MORN1: variants seen among roughly 807,000 people sequenced by gnomAD.
MORN1 encodes MORN repeat-containing protein 1.
MORN1 carries 67 observed loss-of-function variants against 61.9 expected under a neutral mutation model. That is an observed-to-expected ratio of 1.08 (90% CI 0.89 to 1.33). The LOEUF (loss-of-function observed/expected upper bound fraction) is 1.33. MORN1 is among the 40% of genes most tolerant of loss of function. The pLI, the probability that MORN1 is intolerant of heterozygous loss-of-function variation, is 0.00. For synonymous variants in MORN1, 301 were observed against 292.0 expected, an observed-to-expected ratio of 1.03 and a Z score of -0.31; for missense variants, 752 against 691.2, an observed-to-expected ratio of 1.09 and a Z score of -0.99.
In MORN1 at chr1:2,387,540, A is replaced by T; in HGVS notation, c.248-11T>A. ...CAGAGAAGGTGTCTCCTGCATGTGGACAAGGAGGAGGGGAGACAGGAGGTT... is the reference window on the plus strand; with the variant it reads ...CAGAGAAGGTGTCTCCTGCATGTGGTCAAGGAGGAGGGGAGACAGGAGGTT... On this transcript the variant is annotated splice_polypyrimidine_tract_variant and intron_variant, in intron 3 of 13. Coordinates refer to ENST00000378531, the MANE Select transcript of MORN1 (RefSeq NM_024848.3). The T allele has an allele frequency of 6.3e-7, 1 of 1,595,882 alleles. No individual in the cohort carries two copies. The highest frequency in any genetic ancestry group is 8.6e-7 in the Non-Finnish European group (1 of 1,167,514).
intron 12 of MORN1, among the ~76,000 whole-genome samples, chr1:2,331,340 G>A (rs1188684575): frequency 5.9e-5 from 9 of 152,220 alleles, no homozygotes; most frequent in East Asian, 3.9e-4. Context: ...GGCCCTCCAC[G>A]CCTGGACTTG....
intron 2 of MORN1, among the ~76,000 whole-genome samples, chr1:2,389,124 A>G (rs1466599203): frequency 3.6e-5 from 4 of 112,332 alleles, no homozygotes; most frequent in Admixed American, 1.9e-4. Context: ...AAAAAAAAAA[A>G]AAAAGAAAAA....
Position 2,336,844 on chromosome 1 carries a change from C to T in MORN1, c.1043G>A (p.Gly348Glu). Residue 348 changes from glycine (G) to glutamate (E), a missense_variant, in exon 11 of 14, where the codon GGA becomes GAA. Gly to Glu is a moderately conservative substitution (Grantham distance 98, BLOSUM62 -2). Coordinates refer to ENST00000378531, the MANE Select transcript of MORN1 (RefSeq NM_024848.3). Reference sequence around the variant, plus strand: ...GGCCCCGGGACAATGGGGCGCATGTCCCCTGGCTGAGGAGACAGAATGAAG... The same window carrying T: ...GGCCCCGGGACAATGGGGCGCATGTTCCCTGGCTGAGGAGACAGAATGAAG... ...EDTPGGLLAR[G>E]HAPHCPGACQ... 1.3e-6 allele frequency: 2 copies of T among 1,565,592 alleles called. No homozygotes were observed. Among genetic ancestry groups the T allele is most frequent in the Admixed American group, 1.9e-5 (1 of 51,410 alleles).
At chr1:2,380,994 C>T (rs1305101568) in intron 6 of MORN1, among the ~76,000 whole-genome samples, 5 of 152,234 alleles carry the variant, frequency 3.3e-5, no homozygotes, top group African/African-American at 1.2e-4. Flanking sequence ...GGGTCGATGC[C>T]GTTTTCTCTC....
At chr1:2,345,322 G>A (rs140809875) in intron 10 of MORN1, among the ~76,000 whole-genome samples, 3,206 of 152,336 alleles carry the variant, frequency 0.021, 42 homozygotes, top group Middle Eastern at 0.044. Context: ...CCTACCACCC[G>A]CTGGGGCAGC....
intron 10 of MORN1, among the ~76,000 whole-genome samples, chr1:2,355,707 A>G (rs1225411904): frequency 6.6e-6 from 1 of 152,234 alleles, no homozygotes; most frequent in Non-Finnish European, 1.5e-5. Flanking sequence ...GGACTGCTGC[A>G]GACAGTGACC....
At position 2,388,308 on chromosome 1, in the gene MORN1, T is replaced by C; in HGVS notation, c.178A>G (p.Ser60Gly). ...TCCACAAACGCCCCTTCGTAATAAC[T>C]GCCATCTTTAAATAACAACTTCCCG... ...GHGKLLFKDG[S>G]YYEGAFVDGE... The change falls in exon 3 of 14, where the codon AGT becomes GGT. Residue 60 changes from serine to glycine, a missense_variant. Physicochemically the swap from Ser to Gly is moderately conservative, Grantham distance 56 (BLOSUM62 0). Transcript: ENST00000378531. 1 of 1,614,002 alleles carries C rather than the reference T, an allele frequency of 6.2e-7. No individual in the cohort carries two copies. The highest frequency in any genetic ancestry group is 8.5e-7 in the Non-Finnish European group (1 of 1,179,978).
intron 10 of MORN1, among the ~76,000 whole-genome samples, chr1:2,348,727 A>ACACACACGCACGCG (rs1399964721): frequency 6.9e-5 from 10 of 143,982 alleles, no homozygotes; most frequent in East Asian, 4.3e-4. Context: ...GCGGGCACGC[A>ACACACACGCACGCG]CACGCACACC....
intron 12 of MORN1, among the ~76,000 whole-genome samples, chr1:2,328,744 G>A (rs1641087049): frequency 6.6e-6 from 1 of 152,208 alleles, no homozygotes; most frequent in Non-Finnish European, 1.5e-5. Flanking sequence ...ACAGCCCCAG[G>A]CACAGACACA....
intron 12 of MORN1, among the ~76,000 whole-genome samples, chr1:2,330,781 C>T (rs1641131754): frequency 6.6e-6 from 1 of 152,132 alleles, no homozygotes; most frequent in African/African-American, 2.4e-5. Context: ...GCTGATGGGG[C>T]TCGGGTGGCC....
intron 10 of MORN1, among the ~76,000 whole-genome samples, chr1:2,349,890 G>GA (rs1035457402): frequency 4.7e-5 from 7 of 150,224 alleles, no homozygotes; most frequent in African/African-American, 1.8e-4. Context: ...TTTTGTGCAT[G>GA]AAAAAAAAGA....
intron 13 of MORN1, chr1:2,322,080 C>G: frequency 1.0e-6 from 1 of 985,460 alleles, no homozygotes; most frequent in South Asian, 4.7e-5. Context: ...GGCCCCTTCC[C>G]CACACCCGCG....
intron 8 of MORN1, among the ~76,000 whole-genome samples, chr1:2,359,962 C>T (rs556928137): frequency 1.3e-5 from 2 of 152,038 alleles, no homozygotes; most frequent in Non-Finnish European, 2.9e-5. Context: ...AGCTTTGGGA[C>T]GGGCTCTCAA....
Position 2,327,764 on chromosome 1 carries a change from C to T in MORN1, c.1251-3621G>A, listed in dbSNP as rs960644079. ...CCTCTGCAAGGCTAACAAGGTGCTGCGCCCGGCTCCCTCCTCTTGCCTGTG... is the reference window on the plus strand; with the variant it reads ...CCTCTGCAAGGCTAACAAGGTGCTGTGCCCGGCTCCCTCCTCTTGCCTGTG... On this transcript the variant is annotated intron_variant, in intron 12 of 13. Coordinates refer to ENST00000378531, the MANE Select transcript of MORN1 (RefSeq NM_024848.3). Among the ~76,000 whole-genome samples the T allele has an allele frequency of 3.0e-4, 45 of 152,364 alleles. No homozygotes were observed. The South Asian group carries it at 4.4e-3, about 15-fold the overall frequency.
chr1:2,369,686 A>G (rs149771238), intron 8 of MORN1, among the ~76,000 whole-genome samples: 60 of 151,828 alleles, frequency 4.0e-4, no homozygotes, highest in African/African-American at 1.4e-3. Flanking sequence ...GCATAAAAAG[A>G]ATAAACAAAT....
rs567100294 is a variant in MORN1 at position 2,331,842 on chromosome 1, C to T, written c.1250+4627G>A. Among the ~76,000 whole-genome samples, 1,303 of 132,192 alleles carry T rather than the reference C, an allele frequency of 9.9e-3. 59 individuals are homozygous for T. The highest frequency in any genetic ancestry group is 0.039 in the African/African-American group (1,232 of 31,414). The allele number at this position is 132,192 out of a possible 152,430, so 86.7% of individuals were successfully genotyped here. ...CCCGCCGCTGCGCCTCTCCCTCGTG[C>T]GGCTCTCCCGCCCCTGCGCCTCTCC... On this transcript the variant is annotated intron_variant, in intron 12 of 13. Transcript: ENST00000378531.
intron 10 of MORN1, among the ~76,000 whole-genome samples, chr1:2,344,533 C>T (rs181538803): frequency 2.6e-5 from 4 of 152,276 alleles, no homozygotes; most frequent in East Asian, 1.9e-4. Context: ...GAGCGGGGAC[C>T]GCACAGACGG....
Position 2,339,798 on chromosome 1 carries a change from G to A in MORN1, c.1037-2948C>T, listed in dbSNP as rs1406989204. 3.3e-5 allele frequency among the ~76,000 whole-genome samples: 5 copies of A among 152,288 alleles called. No individual in the cohort carries two copies. The South Asian group carries it at 1.0e-3, about 32-fold the overall frequency. On this transcript the variant is annotated intron_variant, in intron 10 of 13. Coordinates refer to ENST00000378531, the MANE Select transcript of MORN1 (RefSeq NM_024848.3). ...GAGGGCCCGGAGCTCAGCCCAGCCT[G>A]GCCCCGGCCTGATGCTGGGCCAGAA...
In MORN1 at chr1:2,357,078, G is replaced by A. The variant is rs1431482307; in HGVS notation, c.1036+354C>T. On this transcript the variant is annotated intron_variant, in intron 10 of 13. Transcript: ENST00000378531. This position sits in a 1 kb window ranked among gnomAD's most constrained non-coding sequence, Gnocchi z 6.3. ...GCGGCTGCTGTGAGGGCTCCCGGGC[G>A]GCAGGAGTGGCTGGGGCCGTGTCCA... 6.6e-6 allele frequency among the ~76,000 whole-genome samples: 1 copy of A among 152,186 alleles called. No homozygotes were observed. Among genetic ancestry groups the A allele is most frequent in the Non-Finnish European group, 1.5e-5 (1 of 68,018 alleles).
Sources: allele counts gnomAD v4.1 joint callset (sites outside exome capture counted in the v4.1 genomes callset), GRCh38; gene constraint gnomAD v4.1.1; non-coding constraint Gnocchi (gnomAD v3.1); transcripts MANE v1.5; gene names NCBI Gene and HGNC (gene_info 2026-07-23, HGNC 2026-07-21).